Variants in SAMD12 observed in about 807,000 individuals in gnomAD.
SAMD12 encodes sterile alpha motif domain-containing protein 12.
Under a neutral mutation model 15.0 loss-of-function variants are expected in SAMD12, and 9 were observed. That is an observed-to-expected ratio of 0.60 (90% CI 0.36 to 1.05). The LOEUF (loss-of-function observed/expected upper bound fraction) is 1.05, where lower values mean the gene tolerates loss of function less well. SAMD12 is among the 50% of genes least tolerant of loss of function. SAMD12 has a pLI of 0.01. For missense variants in SAMD12, 230 were observed against 234.2 expected, an observed-to-expected ratio of 0.98 and a Z score of 0.12; for synonymous variants, 86 against 90.1, an observed-to-expected ratio of 0.96 and a Z score of 0.25.
intron 4 of SAMD12, among the ~76,000 whole-genome samples, chr8:118,368,703 G>A (rs1236721701): frequency 1.3e-5 from 2 of 152,078 alleles, no homozygotes; most frequent in Admixed American, 1.3e-4. Flanking sequence ...AAGATTTAGT[G>A]GAAAATGAAA....
chr8:118,529,765 G>C (rs1825634626), intron 2 of SAMD12, among the ~76,000 whole-genome samples: 1 of 152,128 alleles, frequency 6.6e-6, no homozygotes, highest in Non-Finnish European at 1.5e-5. Flanking sequence ...TGATATGTAT[G>C]TATGTATGCG....
At position 118,420,437 on chromosome 8, in the gene SAMD12, G is replaced by A. The variant is rs1032808452; in HGVS notation, c.322+19395C>T. On this transcript the variant is annotated intron_variant, in intron 3 of 3. Transcript: ENST00000314727. ...AGATGTACAATGTATCTGGAAAACAGACACATATACCGCATCCAGGGAATA... is the reference window on the plus strand; with the variant it reads ...AGATGTACAATGTATCTGGAAAACAAACACATATACCGCATCCAGGGAATA... Among the ~76,000 whole-genome samples the A allele has an allele frequency of 2.0e-5, 3 of 152,322 alleles. No individual in the cohort carries two copies. The South Asian group carries it at 6.2e-4, about 32-fold the overall frequency.
intron 4 of SAMD12, among the ~76,000 whole-genome samples, chr8:118,310,823 C>G (rs1815591186): frequency 6.6e-6 from 1 of 152,178 alleles, no homozygotes; most frequent in African/African-American, 2.4e-5. Flanking sequence ...CTGAAAATAA[C>G]TCATGTGGTT....
chr8:118,441,103 CAT>C (rs1327813194), intron 2 of SAMD12, among the ~76,000 whole-genome samples: 2 of 152,022 alleles, frequency 1.3e-5, no homozygotes, highest in East Asian at 1.9e-4. Context: ...CACCTGCTGA[CAT>C]GTGTGTTGTT....
At chr8:118,328,677 G>A (rs1048166063) in intron 4 of SAMD12, among the ~76,000 whole-genome samples, 2 of 151,968 alleles carry the variant, frequency 1.3e-5, no homozygotes, top group African/African-American at 4.8e-5. Context: ...TGGATCTCGG[G>A]CTGTGTTTGA....
the SAMD12 span, among the ~76,000 whole-genome samples, chr8:118,145,830 C>T: frequency 6.6e-6 from 1 of 152,172 alleles, no homozygotes; most frequent in Non-Finnish European, 1.5e-5. Context: ...GGCCCTGGTG[C>T]CACTGTTATA....
At chr8:118,171,143 G>T in the SAMD12 span, among the ~76,000 whole-genome samples, 3 of 152,156 alleles carry the variant, frequency 2.0e-5, no homozygotes, top group East Asian at 5.8e-4. Flanking sequence ...ATAAACACTG[G>T]GATGGCTATC....
At chr8:118,551,373 C>T (rs1456452999) in intron 2 of SAMD12, among the ~76,000 whole-genome samples, 1 of 151,978 alleles carries the variant, frequency 6.6e-6, no homozygotes, top group Non-Finnish European at 1.5e-5. Context: ...TTAAGAATCT[C>T]ACTCAAAACC....
chr8:118,381,535 G>T (rs1263038611), intron 3 of SAMD12, among the ~76,000 whole-genome samples: 1 of 152,132 alleles, frequency 6.6e-6, no homozygotes, highest in African/African-American at 2.4e-5. Flanking sequence ...CATTATCCAG[G>T]TGAGTCCAAT....
At chr8:118,197,713 TGGAGAA>T in exon 5 of SAMD12, 1 of 1,613,572 alleles carries the variant, frequency 6.2e-7, no homozygotes, top group Non-Finnish European at 8.5e-7. Flanking sequence ...ACCGTGTTTA[TGGAGAA>T]CCCTCAGATG....
At chr8:118,397,793 A>AT (rs371079892) in intron 3 of SAMD12, among the ~76,000 whole-genome samples, 26 of 59,314 alleles carry the variant, frequency 4.4e-4, no homozygotes, top group Middle Eastern at 7.0e-3. Flanking sequence ...GGACTTGCAA[A>AT]TTAATTAATT....
chr8:118,183,615 A>C, the SAMD12 span, among the ~76,000 whole-genome samples: 9 of 152,182 alleles, frequency 5.9e-5, no homozygotes, highest in Non-Finnish European at 8.8e-5. Flanking sequence ...TAATAATTGA[A>C]TCCCTTTAAG....
At chr8:118,450,271 C>T (rs1290297403) in intron 2 of SAMD12, among the ~76,000 whole-genome samples, 1 of 152,194 alleles carries the variant, frequency 6.6e-6, no homozygotes, top group Admixed American at 6.5e-5. Context: ...AGGCACTCAA[C>T]AGGAAACAAG....
Position 118,448,099 on chromosome 8 carries a change from C to G in SAMD12, c.193-8138G>C, listed in dbSNP as rs1822973604. On this transcript the variant is annotated intron_variant, in intron 2 of 3. Transcript: ENST00000314727. Reference sequence around the variant, plus strand: ...CACTACACCAGTCTTCTTCCTATTGCTCAAAAATGCCAACTATGTCTGTGT... The same window carrying G: ...CACTACACCAGTCTTCTTCCTATTGGTCAAAAATGCCAACTATGTCTGTGT... Among the ~76,000 whole-genome samples, 3 of 152,184 alleles carry G rather than the reference C, an allele frequency of 2.0e-5. No individual in the cohort carries two copies. In the South Asian group the frequency reaches 6.2e-4, roughly 32 times the overall value.
chr8:118,183,475 G>A, the SAMD12 span, among the ~76,000 whole-genome samples: 64 of 152,250 alleles, frequency 4.2e-4, no homozygotes, highest in African/African-American at 1.5e-3. Flanking sequence ...GGACCAGTTA[G>A]GCAAGGGATT....
chr8:118,212,051 T>C (rs1256799907), intron 4 of SAMD12, among the ~76,000 whole-genome samples: 5 of 144,826 alleles, frequency 3.5e-5, no homozygotes, highest in African/African-American at 1.0e-4. Flanking sequence ...TTTGTGTGTG[T>C]GTTGCAGATT....
intron 4 of SAMD12, among the ~76,000 whole-genome samples, chr8:118,311,885 A>G (rs189849901): frequency 1.3e-3 from 201 of 152,204 alleles, no homozygotes; most frequent in African/African-American, 4.5e-3. Context: ...CATATCTCCA[A>G]CAGTGTCAAT....
chr8:118,261,853 A>G (rs1370234152), intron 4 of SAMD12, among the ~76,000 whole-genome samples: 2 of 151,502 alleles, frequency 1.3e-5, no homozygotes, highest in African/African-American at 2.4e-5. Context: ...CAGAGGTAGG[A>G]TTTGCAATTT....
At chr8:118,258,457 G>A (rs1340340071) in intron 4 of SAMD12, among the ~76,000 whole-genome samples, 1 of 126,210 alleles carries the variant, frequency 7.9e-6, no homozygotes, top group Non-Finnish European at 1.5e-5. Flanking sequence ...CACAATTATT[G>A]TTATTATTTG....
Sources: allele counts gnomAD v4.1 joint callset (sites outside exome capture counted in the v4.1 genomes callset), GRCh38; gene constraint gnomAD v4.1.1; transcripts MANE v1.5; gene names NCBI Gene and HGNC (gene_info 2026-07-23, HGNC 2026-07-21).